DOP1B: variants seen among roughly 807,000 people sequenced by gnomAD.
DOP1B encodes the protein DOP1 leucine zipper like protein B, also known as protein DOP1B.
Under a neutral mutation model 233.5 loss-of-function variants are expected in DOP1B, and 174 were observed. The observed-to-expected ratio is 0.75, with a 90% CI of 0.66 to 0.85. The LOEUF is 0.85. Among genes scored for constraint, DOP1B ranks in the 40% least tolerant of loss-of-function variants. The pLI, the probability that DOP1B is intolerant of heterozygous loss-of-function variation, is 0.00. For missense variants in DOP1B, 2,652 were observed against 2,846.6 expected (o/e 0.93, Z 1.56); for synonymous variants, 1,190 against 1,185.6 (o/e 1.00, Z -0.08).
chr21:36,163,613 G>A (rs1393847757), intron 1 of DOP1B, among the ~76,000 whole-genome samples: 1 of 152,156 alleles, frequency 6.6e-6, no homozygotes, highest in Non-Finnish European at 1.5e-5. Context: ...TAACTATATA[G>A]CATTGCTCTG....
chr21:36,169,084 CT>C, intron 2 of DOP1B: 1 of 867,108 alleles, frequency 1.2e-6, no homozygotes. Context: ...TGTCAGTGAA[CT>C]TAAGGTCAGT....
intron 2 of DOP1B, among the ~76,000 whole-genome samples, chr21:36,176,026 A>G (rs1055086516): frequency 6.6e-6 from 1 of 150,822 alleles, no homozygotes; most frequent in African/African-American, 2.4e-5. Flanking sequence ...GGAACAGAGG[A>G]AGTGTGATTT....
At chr21:36,207,987 C>T (rs770652980) in intron 4 of DOP1B, among the ~76,000 whole-genome samples, 6 of 152,182 alleles carry the variant, frequency 3.9e-5, no homozygotes, top group Non-Finnish European at 7.3e-5. Flanking sequence ...CCACTGGTGA[C>T]GCTGCTTCTC....
intron 2 of DOP1B, among the ~76,000 whole-genome samples, chr21:36,184,109 C>T (rs2066135344): frequency 1.3e-5 from 2 of 151,066 alleles, no homozygotes; most frequent in East Asian, 2.0e-4. Flanking sequence ...AGTGCAGTGG[C>T]GTGATCTTGG....
intron 30 of DOP1B, among the ~76,000 whole-genome samples, chr21:36,278,817 C>A (rs1242123409): frequency 1.3e-5 from 2 of 152,148 alleles, no homozygotes; most frequent in African/African-American, 4.8e-5. Flanking sequence ...TGCAGTGAGT[C>A]AAGATCCCAC....
intron 18 of DOP1B, among the ~76,000 whole-genome samples, chr21:36,244,592 C>T (rs539427084): frequency 6.6e-6 from 1 of 151,722 alleles, no homozygotes; most frequent in Non-Finnish European, 1.5e-5. Flanking sequence ...GCCCAGCTAA[C>T]TTTTTGTATT....
chr21:36,170,213 C>T (rs1401415297), intron 2 of DOP1B: 5 of 410,228 alleles, frequency 1.2e-5, no homozygotes, highest in Non-Finnish European at 2.2e-5. Flanking sequence ...AGAGCTCTCC[C>T]TGTGGTTTTG....
chr21:36,203,431 G>A (rs1035676295), intron 4 of DOP1B, among the ~76,000 whole-genome samples: 3 of 152,160 alleles, frequency 2.0e-5, no homozygotes, highest in Non-Finnish European at 4.4e-5. Context: ...AGCCAGGTGT[G>A]GTGACAGGCA....
At position 36,233,065 on chromosome 21, in the gene DOP1B, AT is replaced by A; in HGVS notation, c.2615del (p.Phe872SerfsTer13). The A allele has an allele frequency of 1.2e-6, 2 of 1,613,878 alleles. No individual in the cohort carries two copies. The highest frequency in any genetic ancestry group is 1.7e-6 in the Non-Finnish European group (2 of 1,179,920). Reference sequence around the variant, plus strand: ...TTGAAAGTCATTGCAGAGAAAACAGATTTCTATCAGGTATTTCCCACTGGGA... The same window carrying A: ...TTGAAAGTCATTGCAGAGAAAACAGATTCTATCAGGTATTTCCCACTGGGA... The part of the protein sequence containing the change: ...GILKVIAEKT[D>X]FYQRVARVLW... On this transcript the variant is annotated frameshift_variant, in exon 15 of 37. Transcript: ENST00000691173. LOFTEE classifies it high-confidence loss of function.
intron 14 of DOP1B, 105 bp from the exon 15 acceptor site, chr21:36,232,699 T>C (rs1445979470): frequency 1.3e-6 from 2 of 1,501,774 alleles, no homozygotes; most frequent in African/African-American, 1.4e-5. Context: ...CAGGTGGATT[T>C]CTCAGGTAAC....
At position 36,263,715 on chromosome 21, in the gene DOP1B, AT is replaced by A. The variant is rs779587038; in HGVS notation, c.5421-28del. Reference sequence around the variant, plus strand: ...TTGGCACATATTTTATTTCTGCAGCATTTTTAATCTGAAGCTGATTGTCTCC... The same window carrying A: ...TTGGCACATATTTTATTTCTGCAGCATTTTAATCTGAAGCTGATTGTCTCC... On this transcript the variant is annotated intron_variant, in intron 25 of 36. Transcript: ENST00000691173. The A allele has an allele frequency of 3.1e-6, 5 of 1,613,866 alleles. No individual in the cohort carries two copies. The South Asian group carries it at 5.5e-5, about 18-fold the overall frequency.
At chr21:36,169,217 T>A in intron 2 of DOP1B, 1 of 1,027,502 alleles carries the variant, frequency 9.7e-7, no homozygotes, top group Non-Finnish European at 1.5e-6. Flanking sequence ...TTCACCATAG[T>A]GGACAAAGCC....
At chr21:36,173,025 C>CAGG (rs1394926327) in intron 2 of DOP1B, among the ~76,000 whole-genome samples, 1 of 152,100 alleles carries the variant, frequency 6.6e-6, no homozygotes, top group African/African-American at 2.4e-5. Flanking sequence ...GAGGCTGAGG[C>CAGG]AGGAGAATCG....
intron 18 of DOP1B, among the ~76,000 whole-genome samples, chr21:36,244,671 C>T (rs188152103): frequency 6.6e-6 from 1 of 152,272 alleles, no homozygotes; most frequent in African/African-American, 2.4e-5. Context: ...GGTGATCTAC[C>T]TGCCTTGGCC....
chr21:36,219,376 T>A lies in DOP1B; in HGVS notation c.1134T>A (p.Pro378=). ...ISLLDKPEIG[P]QVVGNLFLEV... ...CCATCTTCCTTCTAATTACAGGGCC[T>A]CAAGTGGTTGGGAATTTGTTTCTCG... The change falls in exon 10 of 37, where the codon CCT becomes CCA. Residue 378 remains proline, a synonymous_variant. Coordinates refer to ENST00000691173, the MANE Select transcript of DOP1B (RefSeq NM_001320714.2). 1 of 1,614,196 alleles carries A rather than the reference T, an allele frequency of 6.2e-7. No individual in the cohort carries two copies. The highest frequency in any genetic ancestry group is 8.5e-7 in the Non-Finnish European group (1 of 1,180,038).
At chr21:36,200,648 C>T (rs2066353175) in intron 4 of DOP1B, 147 bp downstream of exon 4, 1 of 1,017,610 alleles carries the variant, frequency 9.8e-7, no homozygotes, top group Non-Finnish European at 1.3e-6. Flanking sequence ...TGGAGACCAT[C>T]CTGGCTAACA....
chr21:36,157,708 T>C (rs7282393), intron 1 of DOP1B, among the ~76,000 whole-genome samples: 51,911 of 152,148 alleles, frequency 0.34, 10,414 homozygotes, highest in Non-Finnish European at 0.44. Flanking sequence ...TTCAAAACAG[T>C]GTGTCCCAGA....
chr21:36,206,717 T>C (rs1356818905), intron 4 of DOP1B, among the ~76,000 whole-genome samples: 2 of 152,148 alleles, frequency 1.3e-5, no homozygotes, highest in Non-Finnish European at 2.9e-5. Context: ...AAAGGGGGAC[T>C]GTGACACCAC....
At position 36,245,045 on chromosome 21, in the gene DOP1B, CAG is replaced by C. The variant is rs1469262213; in HGVS notation, c.3068-1_3068del. ...AAGTCATTTGTCATCTTGTAATTTT[CAG>C]ATGACTTGCACCGTTGGTTTAACAG... On this transcript the variant is annotated splice_acceptor_variant, in intron 18 of 36. Coordinates refer to ENST00000691173, the MANE Select transcript of DOP1B (RefSeq NM_001320714.2). LOFTEE classifies it high-confidence loss of function. This position sits in a 1 kb window ranked among gnomAD's most constrained non-coding sequence, Gnocchi z 5.5. 2.1e-5 allele frequency: 33 copies of C among 1,585,392 alleles called. No homozygotes were observed. In the Admixed American group the frequency reaches 5.7e-4, roughly 27 times the overall value.
Sources: gnomAD v4.1 joint callset for allele counts (sites outside exome capture counted in the v4.1 genomes callset) on GRCh38, gnomAD v4.1.1 for gene constraint, Gnocchi (gnomAD v3.1) non-coding constraint, MANE v1.5 for transcripts, NCBI Gene and HGNC (gene_info 2026-07-23, HGNC 2026-07-21) for gene names.